The following CSMD3 variants were observed in gnomAD, a reference collection of about 807,000 sequenced individuals.
CSMD3 encodes CUB and Sushi multiple domains 3.
In CSMD3, 177 loss-of-function variants were observed where a neutral mutation model predicts 435.2. That is an observed-to-expected ratio of 0.41 (90% CI 0.36 to 0.46). CSMD3 has a LOEUF of 0.46. Among genes scored for constraint, CSMD3 ranks in the 20% least tolerant of loss-of-function variants. The pLI, the probability that CSMD3 is intolerant of heterozygous loss-of-function variation, is 0.34. For missense variants in CSMD3, 4,265 were observed against 4,504.6 expected (o/e 0.95, Z 1.52); for synonymous variants, 1,656 against 1,520.5 (o/e 1.09, Z -2.07).
rs763849048 is a variant in CSMD3 at position 112,318,867 on chromosome 8, G to T, written c.7330C>A (p.Gln2444Lys). The change falls in exon 47 of 71, where the codon CAG becomes AAG. Residue 2444 changes from glutamine to lysine, a missense_variant. By Grantham distance (53) the Gln-to-Lys change is moderately conservative. Transcript: ENST00000297405. Reference sequence around the variant, plus strand: ...CAAACTGGAGGTGCTCCATCCATCTGCAGTCGTTCTCCTAATCTGCACGTC... The same window carrying T: ...CAAACTGGAGGTGCTCCATCCATCTTCAGTCGTTCTCCTAATCTGCACGTC... ...ILTCRLGERL[Q>K]MDGAPPVCQV... 4 of 1,611,932 alleles carry T rather than the reference G, an allele frequency of 2.5e-6. No homozygotes were observed. The highest frequency in any genetic ancestry group is 4.5e-5 in the East Asian group (2 of 44,834).
intron 23 of CSMD3, among the ~76,000 whole-genome samples, chr8:112,579,722 CTT>C (rs1400295859): frequency 6.6e-6 from 1 of 151,910 alleles, no homozygotes; most frequent in Non-Finnish European, 1.5e-5. Flanking sequence ...AGGAAAGAAA[CTT>C]GAAAATAATA....
rs994251183 is a variant in CSMD3, at chr8:113,350,955, T to C, written c.179-36162A>G. On this transcript the variant is annotated intron_variant, in intron 1 of 70. Transcript: ENST00000297405. The stretch of plus-strand genomic sequence containing the variant: ...TTATGTTCTTTAGATCTAATTTCCA[T>C]GTACATTAAAAAAAAAACTGATTCC... 7.2e-5 allele frequency among the ~76,000 whole-genome samples: 11 copies of C among 151,984 alleles called. 1 individual carries two copies. In the South Asian group the frequency reaches 1.9e-3, roughly 26 times the overall value.
chr8:112,692,315 C>T (rs1039524043), intron 13 of CSMD3, among the ~76,000 whole-genome samples: 3 of 151,898 alleles, frequency 2.0e-5, no homozygotes, highest in Non-Finnish European at 2.9e-5. Flanking sequence ...TTATTGTTCA[C>T]TTGTGAAAAG....
chr8:113,213,628 T>C (rs1391157288), intron 3 of CSMD3, among the ~76,000 whole-genome samples: 1 of 152,068 alleles, frequency 6.6e-6, no homozygotes, highest in Non-Finnish European at 1.5e-5. Context: ...GATTATTTTC[T>C]TTGAGTATAA....
intron 31 of CSMD3, among the ~76,000 whole-genome samples, chr8:112,475,415 T>C (rs1391023961): frequency 6.6e-6 from 1 of 152,176 alleles, no homozygotes; most frequent in Non-Finnish European, 1.5e-5. Context: ...AATATTATGT[T>C]AGATTCTGTT....
chr8:113,087,764 A>T (rs1053090754), intron 5 of CSMD3, among the ~76,000 whole-genome samples: 1 of 152,156 alleles, frequency 6.6e-6, no homozygotes, highest in Non-Finnish European at 1.5e-5. Context: ...CCTAGAAGAA[A>T]ACCTAGGCAA....
chr8:113,292,707 C>T (rs1019634629), intron 2 of CSMD3, among the ~76,000 whole-genome samples: 4 of 151,886 alleles, frequency 2.6e-5, no homozygotes, highest in Middle Eastern at 6.8e-3. Flanking sequence ...GTTATATTAA[C>T]AGTTGCCAGA....
At chr8:112,751,803 TTC>T (rs2132106444) in intron 13 of CSMD3, among the ~76,000 whole-genome samples, 1 of 152,134 alleles carries the variant, frequency 6.6e-6, no homozygotes, top group East Asian at 1.9e-4. Flanking sequence ...AAGCCATTAT[TTC>T]TTTTTATTAT....
At chr8:113,106,892 T>A (rs200577783) in intron 4 of CSMD3, among the ~76,000 whole-genome samples, 1 of 36,750 alleles carries the variant, frequency 2.7e-5, no homozygotes. Context: ...ATAACTCACA[T>A]GTGTTCACCC....
At chr8:112,979,991 T>C (rs1353298989) in intron 6 of CSMD3, among the ~76,000 whole-genome samples, 2 of 151,066 alleles carry the variant, frequency 1.3e-5, no homozygotes, top group Non-Finnish European at 3.0e-5. Context: ...GAAATTATGA[T>C]AATGGAAAAT....
At chr8:112,318,212 A>G (rs999535767) in intron 47 of CSMD3, among the ~76,000 whole-genome samples, 3 of 151,862 alleles carry the variant, frequency 2.0e-5, no homozygotes, top group Non-Finnish European at 4.4e-5. Flanking sequence ...GTCATTTGGA[A>G]TTGTGTTTCA....
chr8:112,816,196 T>C (rs1336742108), intron 12 of CSMD3, among the ~76,000 whole-genome samples: 1 of 152,130 alleles, frequency 6.6e-6, no homozygotes, highest in Admixed American at 6.6e-5. Context: ...ATAATTGCTG[T>C]TAACACCTAA....
At chr8:113,430,721 A>G (rs542160900) in intron 1 of CSMD3, among the ~76,000 whole-genome samples, 1 of 152,348 alleles carries the variant, frequency 6.6e-6, no homozygotes, top group East Asian at 1.9e-4. Flanking sequence ...TGAACTGAAT[A>G]ATGTGATGAT....
At position 112,224,801 on chromosome 8, in the gene CSMD3, G is replaced by C. The variant is rs748470778; in HGVS notation, c.11094C>G (p.Pro3698=). The C allele has an allele frequency of 8.7e-6, 14 of 1,613,872 alleles. No individual in the cohort carries two copies. The highest frequency in any genetic ancestry group is 1.0e-5 in the Non-Finnish European group (12 of 1,179,910). The part of the protein sequence containing the change: ...SVEGKAVRFD[P]NLNTVCTMV ...CCATTGTGCAAACCGTGTTCAAGTT[G>C]GGATCAAATCGTACCGCCTTCCCTT... The change falls in exon 71 of 71, where the codon CCC becomes CCG. Residue 3698 remains proline (P), a synonymous_variant. Coordinates refer to ENST00000297405, the MANE Select transcript of CSMD3 (RefSeq NM_198123.2).
intron 7 of CSMD3, among the ~76,000 whole-genome samples, chr8:112,967,462 C>G (rs970883524): frequency 1.3e-4 from 20 of 151,828 alleles, no homozygotes; most frequent in Admixed American, 3.9e-4. Context: ...TTATTTTTCT[C>G]AAGTTAAACT....
intron 30 of CSMD3, among the ~76,000 whole-genome samples, chr8:112,495,400 T>A (rs1821237411): frequency 6.6e-6 from 1 of 152,200 alleles, no homozygotes; most frequent in Admixed American, 6.5e-5. Flanking sequence ...ATAATGTCAG[T>A]GAAACTGTAA....
chr8:112,458,918 G>C (rs1194444367), intron 32 of CSMD3, among the ~76,000 whole-genome samples: 1 of 152,002 alleles, frequency 6.6e-6, no homozygotes, highest in Non-Finnish European at 1.5e-5. Context: ...GCCATCATTA[G>C]AGACCATGAA....
intron 3 of CSMD3, among the ~76,000 whole-genome samples, chr8:113,223,392 A>C (rs1379810845): frequency 6.6e-6 from 1 of 150,434 alleles, no homozygotes; most frequent in Non-Finnish European, 1.5e-5. Context: ...GACTTTTTGA[A>C]ATTCTTCGTT....
intron 50 of CSMD3, chr8:112,310,286 C>G (rs965069861): frequency 1.3e-5 from 2 of 152,546 alleles, no homozygotes; most frequent in African/African-American, 4.8e-5. Context: ...GTGTTGCAAT[C>G]TCAGCTCACT....
Sources: gnomAD v4.1 joint callset for allele counts (sites outside exome capture counted in the v4.1 genomes callset) on GRCh38, gnomAD v4.1.1 for gene constraint, MANE v1.5 for transcripts, NCBI Gene and HGNC (gene_info 2026-07-23, HGNC 2026-07-21) for gene names.